Variants in DLGAP2 observed in about 807,000 individuals in gnomAD.
DLGAP2 encodes DLG associated protein 2, also known as disks large-associated protein 2.
A neutral mutation model predicts 100.3 loss-of-function variants in DLGAP2; 26 were observed. The observed-to-expected ratio is 0.26, with a 90% CI of 0.19 to 0.36. The LOEUF (loss-of-function observed/expected upper bound fraction) is 0.36. DLGAP2 is among the 10% of genes least tolerant of loss of function. The pLI, the probability that DLGAP2 is intolerant of heterozygous loss-of-function variation, is 1.00. For missense variants in DLGAP2, 1,858 were observed against 1,453.2 expected (o/e 1.28, Z -4.53); for synonymous variants, 886 against 630.1 (o/e 1.41, Z -6.08).
chr8:1,342,757 G>A (rs1033826289), intron 3 of DLGAP2, among the ~76,000 whole-genome samples: 2 of 152,212 alleles, frequency 1.3e-5, no homozygotes. Flanking sequence ...CTTGTGAAAT[G>A]CGGTGTGTGT....
chr8:1,071,784 ATG>A (rs1200809413), intron 2 of DLGAP2, among the ~76,000 whole-genome samples: 2 of 152,162 alleles, frequency 1.3e-5, no homozygotes, highest in Non-Finnish European at 2.9e-5. Flanking sequence ...TGAAGTGAAT[ATG>A]TGTGTGTGTC....
intron 3 of DLGAP2, among the ~76,000 whole-genome samples, chr8:1,436,010 AAAAAT>A (rs1277377267): frequency 4.6e-5 from 7 of 152,308 alleles, no homozygotes; most frequent in Admixed American, 2.6e-4. Flanking sequence ...AAACAGTTTT[AAAAAT>A]AAAATAAAGT....
At chr8:1,506,979 G>C (rs1448510054) in intron 4 of DLGAP2, among the ~76,000 whole-genome samples, 1 of 152,236 alleles carries the variant, frequency 6.6e-6, no homozygotes, top group East Asian at 1.9e-4. Context: ...TAGATACAGG[G>C]TGCTGATTGG....
intron 3 of DLGAP2, among the ~76,000 whole-genome samples, chr8:1,283,613 G>A (rs552333320): frequency 2.7e-4 from 41 of 152,308 alleles, no homozygotes; most frequent in Admixed American, 2.1e-3. Flanking sequence ...AAGGAACAGC[G>A]ATGATGCTGA....
At chr8:806,993 C>T (rs544655409) in intron 1 of DLGAP2, among the ~76,000 whole-genome samples, 2 of 152,338 alleles carry the variant, frequency 1.3e-5, no homozygotes, top group South Asian at 2.1e-4. Context: ...AACACAAGCA[C>T]GTGCTTTCAC....
At chr8:773,233 G>C (rs1437751284) in intron 1 of DLGAP2, among the ~76,000 whole-genome samples, 2 of 152,072 alleles carry the variant, frequency 1.3e-5, no homozygotes, top group Non-Finnish European at 2.9e-5. Context: ...ATTTCTCACA[G>C]TGTTTTCACA....
At chr8:1,427,620 G>T (rs929166777) in intron 3 of DLGAP2, among the ~76,000 whole-genome samples, 2 of 152,144 alleles carry the variant, frequency 1.3e-5, no homozygotes, top group Non-Finnish European at 2.9e-5. Context: ...TGAATTTTGG[G>T]GGTGGGTCTT....
intron 3 of DLGAP2, among the ~76,000 whole-genome samples, chr8:1,483,639 CAGGACCTGAGGGCGTCTACACAGAG>C (rs1317440997): frequency 1.7e-4 from 7 of 40,638 alleles, no homozygotes; most frequent in African/African-American, 3.5e-4. Flanking sequence ...GCTCAGGGAG[CAGGACCTGAGGGCGTCTACACAGAG>C]CAGGGAGGCA....
intron 2 of DLGAP2, among the ~76,000 whole-genome samples, chr8:1,227,500 TC>T (rs1298021512): frequency 8.7e-5 from 13 of 149,092 alleles, no homozygotes; most frequent in Non-Finnish European, 1.8e-4. Context: ...TCTTTTCTTT[TC>T]TTTTTTTTTT....
chr8:1,011,014 G>A (rs1416925866), intron 2 of DLGAP2, among the ~76,000 whole-genome samples: 1 of 151,840 alleles, frequency 6.6e-6, no homozygotes, highest in Non-Finnish European at 1.5e-5. Flanking sequence ...TCTACATAGT[G>A]AGCCCTGGAA....
At chr8:1,364,505 G>GC (rs1366956615) in intron 3 of DLGAP2, among the ~76,000 whole-genome samples, 3 of 149,984 alleles carry the variant, frequency 2.0e-5, no homozygotes, top group Admixed American at 6.6e-5. Context: ...GGAAGGGCGG[G>GC]GGGGGTGCAG....
intron 2 of DLGAP2, among the ~76,000 whole-genome samples, chr8:1,166,380 A>G (rs1002108090): frequency 3.9e-5 from 6 of 152,178 alleles, no homozygotes; most frequent in African/African-American, 9.7e-5. Context: ...CAGGTTGATC[A>G]TTTAATAATG....
chr8:1,303,041 G>A (rs1800396562), intron 3 of DLGAP2, among the ~76,000 whole-genome samples: 1 of 152,218 alleles, frequency 6.6e-6, no homozygotes, highest in Admixed American at 6.5e-5. Context: ...ATGGTTGGAT[G>A]TTCCTGGACT....
intron 2 of DLGAP2, among the ~76,000 whole-genome samples, chr8:1,204,620 A>T (rs1024779660): frequency 6.6e-6 from 1 of 152,206 alleles, no homozygotes; most frequent in African/African-American, 2.4e-5. Flanking sequence ...CAGGAGAGAC[A>T]GGCTGGGAAC....
chr8:1,669,683 C>A (rs1197339071), intron 9 of DLGAP2, 60 bp from the exon 10 acceptor site: 1 of 780,190 alleles, frequency 1.3e-6, no homozygotes, highest in East Asian at 2.4e-5. Flanking sequence ...AGGGGAGCCG[C>A]CCGCTGGTCC....
At chr8:1,556,238 G>C (rs1801960703) in intron 5 of DLGAP2, among the ~76,000 whole-genome samples, 1 of 152,218 alleles carries the variant, frequency 6.6e-6, no homozygotes, top group African/African-American at 2.4e-5. Flanking sequence ...GCTTCTGCAG[G>C]AGTGCAGGTA....
chr8:1,082,846 A>AC (rs749468046), intron 2 of DLGAP2, among the ~76,000 whole-genome samples: 1 of 152,156 alleles, frequency 6.6e-6, no homozygotes, highest in African/African-American at 2.4e-5. Context: ...TATTTCCGAA[A>AC]CCATTTAAAA....
At chr8:1,488,904 G>T (rs1295962290) in intron 3 of DLGAP2, among the ~76,000 whole-genome samples, 4 of 152,120 alleles carry the variant, frequency 2.6e-5, no homozygotes, top group Non-Finnish European at 5.9e-5. Context: ...GGGTGGGTAA[G>T]CAAATGCAGG....
At chr8:1,579,498 C>T (rs1475702830) in intron 6 of DLGAP2, among the ~76,000 whole-genome samples, 2 of 151,600 alleles carry the variant, frequency 1.3e-5, no homozygotes, top group Non-Finnish European at 2.9e-5. Flanking sequence ...AATAATATCG[C>T]CAAAGTAAAA....
Sources: gnomAD v4.1 joint callset for allele counts (sites outside exome capture counted in the v4.1 genomes callset) on GRCh38, gnomAD v4.1.1 for gene constraint, MANE v1.5 for transcripts, NCBI Gene and HGNC (gene_info 2026-07-23, HGNC 2026-07-21) for gene names.